SPATA13: variants seen among roughly 807,000 people sequenced by gnomAD.
The protein encoded by SPATA13 is spermatogenesis associated 13.
SPATA13 carries 50 observed loss-of-function variants against 104.0 expected under a neutral mutation model. The ratio of observed to expected loss-of-function variants is 0.48; its 90% CI spans 0.38 to 0.61. The LOEUF (loss-of-function observed/expected upper bound fraction) is 0.61, where lower values mean the gene tolerates loss of function less well. SPATA13 is among the 20% of genes least tolerant of loss of function. SPATA13 has a pLI of 0.00. For synonymous variants in SPATA13, 606 were observed against 667.5 expected, an observed-to-expected ratio of 0.91 and a Z score of 1.42; for missense variants, 1,524 against 1,690.6, an observed-to-expected ratio of 0.90 and a Z score of 1.73.
At chr13:23,983,114 A>T (rs1874977921) in intron 1 of SPATA13, among the ~76,000 whole-genome samples, 1 of 152,228 alleles carries the variant, frequency 6.6e-6, no homozygotes, top group Non-Finnish European at 1.5e-5. Flanking sequence ...AGGGGTTGGG[A>T]GAGAGTGTCT....
At chr13:24,021,288 A>G (rs959810002) in intron 3 of SPATA13, among the ~76,000 whole-genome samples, 1 of 152,212 alleles carries the variant, frequency 6.6e-6, no homozygotes, top group African/African-American at 2.4e-5. Flanking sequence ...AGAATCCTGA[A>G]GATGCCTGTT....
At chr13:24,299,924 A>G (rs73455758) in intron 11 of SPATA13, among the ~76,000 whole-genome samples, 2,222 of 152,276 alleles carry the variant, frequency 0.015, 60 homozygotes, top group African/African-American at 0.051. Flanking sequence ...CAGGGCACAC[A>G]CTACACACAG....
At chr13:24,145,243 C>T (rs1923904) in intron 3 of SPATA13, among the ~76,000 whole-genome samples, 2,593 of 152,250 alleles carry the variant, frequency 0.017, 68 homozygotes, top group African/African-American at 0.059. Flanking sequence ...TTTTTTACAA[C>T]AGCCACAAAA....
At chr13:24,059,642 A>T (rs931784390) in intron 3 of SPATA13, among the ~76,000 whole-genome samples, 4 of 152,234 alleles carry the variant, frequency 2.6e-5, no homozygotes, top group African/African-American at 9.6e-5. Flanking sequence ...CTTTCAAGTA[A>T]GTATAAGTGT....
At chr13:24,287,484 A>G (rs1051956829) in intron 7 of SPATA13, among the ~76,000 whole-genome samples, 3 of 152,220 alleles carry the variant, frequency 2.0e-5, no homozygotes, top group African/African-American at 7.2e-5. Context: ...TGCACTCTGC[A>G]ACTATCTCTA....
chr13:24,268,416 T>A (rs1874393076), intron 4 of SPATA13, among the ~76,000 whole-genome samples: 1 of 152,200 alleles, frequency 6.6e-6, no homozygotes, highest in Non-Finnish European at 1.5e-5. Flanking sequence ...TTGAATGAAT[T>A]GTCTATTAAA....
At chr13:24,213,707 T>C (rs971843515) in intron 1 of SPATA13, among the ~76,000 whole-genome samples, 1 of 152,226 alleles carries the variant, frequency 6.6e-6, no homozygotes, top group Non-Finnish European at 1.5e-5. Context: ...ATATTACTAA[T>C]GAACAACTTT....
At chr13:24,237,181 C>A (rs1872614078) in intron 2 of SPATA13, among the ~76,000 whole-genome samples, 1 of 152,020 alleles carries the variant, frequency 6.6e-6, no homozygotes, top group Admixed American at 6.5e-5. Context: ...CATGGTGAAA[C>A]CCCATCTCTA....
At chr13:24,046,298 C>CT (rs58600844) in intron 3 of SPATA13, among the ~76,000 whole-genome samples, 3,834 of 144,766 alleles carry the variant, frequency 0.026, 151 homozygotes, top group African/African-American at 0.082. Context: ...TTTCTTTTGC[C>CT]TTTTTTTTTT....
chr13:24,104,248 T>TTTG (rs983396080), intron 3 of SPATA13, among the ~76,000 whole-genome samples: 4 of 152,100 alleles, frequency 2.6e-5, no homozygotes, highest in African/African-American at 9.6e-5. Context: ...GGTTTTTTTT[T>TTTG]TTTGTTTTTT....
chr13:24,176,908 C>T (rs1312559978), intron 1 of SPATA13, among the ~76,000 whole-genome samples: 3 of 152,078 alleles, frequency 2.0e-5, no homozygotes, highest in South Asian at 2.1e-4. Context: ...GGACCACAGA[C>T]GTGTGCCACC....
chr13:24,141,994 T>C (rs1881778470), intron 3 of SPATA13, among the ~76,000 whole-genome samples: 1 of 152,198 alleles, frequency 6.6e-6, no homozygotes, highest in South Asian at 2.1e-4. Flanking sequence ...TGAAGTAGAC[T>C]GCACAGTCTA....
At chr13:24,201,772 G>T (rs1229911254) in intron 1 of SPATA13, among the ~76,000 whole-genome samples, 1 of 152,136 alleles carries the variant, frequency 6.6e-6, no homozygotes, top group African/African-American at 2.4e-5. Flanking sequence ...TCTATGGTTT[G>T]TACAAATACA....
At chr13:24,220,113 C>A (rs889322300) in intron 1 of SPATA13, among the ~76,000 whole-genome samples, 1 of 152,136 alleles carries the variant, frequency 6.6e-6, no homozygotes, top group Non-Finnish European at 1.5e-5. Flanking sequence ...CCCGCACAGA[C>A]GCTTGTACCC....
chr13:24,031,937 C>T (rs1014523694), intron 3 of SPATA13, among the ~76,000 whole-genome samples: 1 of 152,122 alleles, frequency 6.6e-6, no homozygotes, highest in Admixed American at 6.5e-5. Context: ...AATTCTTCAC[C>T]CACAGTTGTC....
chr13:24,048,984 G>A (rs553530336), intron 3 of SPATA13, among the ~76,000 whole-genome samples: 21 of 152,236 alleles, frequency 1.4e-4, no homozygotes, highest in African/African-American at 5.1e-4. Context: ...CTATGAAAAG[G>A]AAATTAATTG....
At chr13:24,133,159 A>G (rs1220558298) in intron 3 of SPATA13, among the ~76,000 whole-genome samples, 1 of 152,186 alleles carries the variant, frequency 6.6e-6, no homozygotes, top group Non-Finnish European at 1.5e-5. Context: ...CCAAAGGCCC[A>G]GTGGGATTAG....
chr13:24,245,796 C>G (rs887671830), intron 2 of SPATA13, among the ~76,000 whole-genome samples: 8 of 151,544 alleles, frequency 5.3e-5, no homozygotes, highest in African/African-American at 1.9e-4. Context: ...ACTGTGTTGC[C>G]CACGCTGGTC....
intron 3 of SPATA13, among the ~76,000 whole-genome samples, chr13:24,140,115 C>G (rs1343570332): frequency 1.3e-5 from 2 of 151,926 alleles, no homozygotes; most frequent in East Asian, 1.9e-4. Flanking sequence ...ATACCCATCT[C>G]TAAGGCTCCT....
Sources: allele counts gnomAD v4.1 joint callset (sites outside exome capture counted in the v4.1 genomes callset), GRCh38; gene constraint gnomAD v4.1.1; transcripts MANE v1.5; gene names NCBI Gene and HGNC (gene_info 2026-07-23, HGNC 2026-07-21).